Variants in CCDC146 observed in about 807,000 individuals in gnomAD.
CCDC146 encodes the protein coiled-coil domain containing 146, also known as coiled-coil domain-containing protein 146.
In CCDC146, 92 loss-of-function variants were observed where a neutral mutation model predicts 119.3. The ratio of observed to expected loss-of-function variants is 0.77; its 90% CI spans 0.65 to 0.92. CCDC146 has a LOEUF of 0.92. Among genes scored for constraint, CCDC146 ranks in the 40% least tolerant of loss-of-function variants. The pLI, the probability that CCDC146 is intolerant of heterozygous loss-of-function variation, is 0.00. For synonymous variants in CCDC146, 372 were observed against 371.8 expected (o/e 1.00, Z -0.01); for missense variants, 1,000 against 1,103.0 (o/e 0.91, Z 1.32).
intron 9 of CCDC146, among the ~76,000 whole-genome samples, chr7:77,270,264 A>G (rs909339421): frequency 1.3e-5 from 2 of 152,136 alleles, no homozygotes; most frequent in African/African-American, 2.4e-5. Context: ...AGACACCAAA[A>G]CTATTAATAG....
chr7:77,253,520 T>G (rs1407196652), intron 4 of CCDC146, among the ~76,000 whole-genome samples: 1 of 152,234 alleles, frequency 6.6e-6, no homozygotes, highest in Non-Finnish European at 1.5e-5. Context: ...ATTCAGCACA[T>G]ACATTATTTT....
At chr7:77,199,433 C>A (rs962390445) in intron 2 of CCDC146, 3 of 1,614,192 alleles carry the variant, frequency 1.9e-6, no homozygotes, top group Non-Finnish European at 2.5e-6. Context: ...TCTCCCGGGG[C>A]TCCTGTACTG....
intron 2 of CCDC146, among the ~76,000 whole-genome samples, chr7:77,212,228 C>G (rs555639039): frequency 6.6e-6 from 1 of 152,004 alleles, no homozygotes; most frequent in East Asian, 1.9e-4. Context: ...ACATAGGTTT[C>G]CTATTTAATA....
At chr7:77,262,040 T>G (rs1485456378) in intron 8 of CCDC146, 81 bp from the exon 9 acceptor site, 2 of 1,168,258 alleles carry the variant, frequency 1.7e-6, no homozygotes, top group East Asian at 4.8e-5. Flanking sequence ...ATATTCAGCA[T>G]GCTGTCTTGA....
chr7:77,144,256 A>G (rs981320038), intron 1 of CCDC146, among the ~76,000 whole-genome samples: 2 of 151,630 alleles, frequency 1.3e-5, no homozygotes, highest in African/African-American at 2.4e-5. Flanking sequence ...TGATTTTTGC[A>G]CATTGATTTT....
chr7:77,226,896 G>T (rs1792525237), intron 2 of CCDC146, among the ~76,000 whole-genome samples: 1 of 152,192 alleles, frequency 6.6e-6, no homozygotes, highest in Non-Finnish European at 1.5e-5. Context: ...GGATCGACCT[G>T]CTTAAAGAGA....
chr7:77,220,312 C>G (rs982837259), intron 2 of CCDC146, among the ~76,000 whole-genome samples: 21 of 152,180 alleles, frequency 1.4e-4, no homozygotes, highest in Non-Finnish European at 5.9e-5. Flanking sequence ...GGCAGTCAGG[C>G]CTTATGGTTG....
chr7:77,180,797 G>A (rs1406331084), intron 2 of CCDC146, among the ~76,000 whole-genome samples: 1 of 152,102 alleles, frequency 6.6e-6, no homozygotes, highest in Non-Finnish European at 1.5e-5. Flanking sequence ...TGTTTTTATT[G>A]CCAAGGCACT....
At position 77,214,128 on chromosome 7, in the gene CCDC146, A is replaced by G. The variant is rs549052034; in HGVS notation, c.157-22819A>G. On this transcript the variant is annotated intron_variant, in intron 2 of 18. Transcript: ENST00000285871. ...TTTTCCACATCCTTGCCAACATATTATATTTTGACTTTTTAATAATAGCCA... is the reference window on the plus strand; with the variant it reads ...TTTTCCACATCCTTGCCAACATATTGTATTTTGACTTTTTAATAATAGCCA... 6.6e-5 allele frequency among the ~76,000 whole-genome samples: 10 copies of G among 152,146 alleles called. No homozygotes were observed. In the East Asian group the frequency reaches 1.9e-3, roughly 29 times the overall value.
chr7:77,216,675 T>C (rs1792306961), intron 2 of CCDC146, among the ~76,000 whole-genome samples: 2 of 152,220 alleles, frequency 1.3e-5, no homozygotes, highest in Admixed American at 6.5e-5. Flanking sequence ...AATAATTTTC[T>C]CATTTGTCTA....
chr7:77,149,784 A>G (rs1791082063), intron 1 of CCDC146, among the ~76,000 whole-genome samples: 1 of 133,816 alleles, frequency 7.5e-6, no homozygotes. Context: ...GAAAAAAAAA[A>G]GCGAGAGAGA....
chr7:77,152,643 C>G (rs148407514), intron 1 of CCDC146, among the ~76,000 whole-genome samples: 463 of 152,230 alleles, frequency 3.0e-3, no homozygotes, highest in African/African-American at 0.011. Flanking sequence ...AAATGTCTCA[C>G]GGTGAGAACT....
At chr7:77,256,847 G>A (rs556451453) in intron 6 of CCDC146, among the ~76,000 whole-genome samples, 2 of 152,306 alleles carry the variant, frequency 1.3e-5, no homozygotes, top group African/African-American at 2.4e-5. Context: ...GCTCACACCT[G>A]TAATCCCAGC....
intron 2 of CCDC146, among the ~76,000 whole-genome samples, chr7:77,174,714 G>C (rs1791477102): frequency 6.6e-6 from 1 of 152,156 alleles, no homozygotes. Context: ...CCGAAGTCGA[G>C]TTCTGCCTCC....
At chr7:77,280,266 C>T (rs1277621311) in intron 13 of CCDC146, among the ~76,000 whole-genome samples, 163 bp from the exon 14 acceptor site, 2 of 152,104 alleles carry the variant, frequency 1.3e-5, no homozygotes, top group Non-Finnish European at 2.9e-5. Context: ...ATGAAAATTC[C>T]TGAAGAGTAT....
chr7:77,174,015 C>A (rs1046092330), intron 2 of CCDC146, among the ~76,000 whole-genome samples: 3 of 152,100 alleles, frequency 2.0e-5, no homozygotes, highest in African/African-American at 7.2e-5. Flanking sequence ...TCTTCTCCCA[C>A]CATATTCTCA....
intron 1 of CCDC146, among the ~76,000 whole-genome samples, chr7:77,141,518 C>A (rs1043908398): frequency 0.011 from 1,668 of 152,220 alleles, 23 homozygotes; most frequent in African/African-American, 0.038. Flanking sequence ...TGGTTGAACT[C>A]ATTTACACTC....
chr7:77,194,493 G>GT (rs1791828902), intron 2 of CCDC146: 1 of 151,766 alleles, frequency 6.6e-6, no homozygotes, highest in Non-Finnish European at 1.5e-5. Context: ...AATAGTATTT[G>GT]TGATATATCA....
intron 1 of CCDC146, among the ~76,000 whole-genome samples, chr7:77,141,692 T>C (rs1307025201): frequency 1.3e-5 from 2 of 152,368 alleles, no homozygotes; most frequent in Non-Finnish European, 2.9e-5. Flanking sequence ...TTTTTTCATA[T>C]GTTTGTTGGC....
Sources: gnomAD v4.1 joint callset for allele counts (sites outside exome capture counted in the v4.1 genomes callset) on GRCh38, gnomAD v4.1.1 for gene constraint, MANE v1.5 for transcripts, NCBI Gene and HGNC (gene_info 2026-07-23, HGNC 2026-07-21) for gene names.